The following NECAB3 variants were observed in gnomAD, a reference collection of about 807,000 sequenced individuals.
The protein encoded by NECAB3 is N-terminal EF-hand calcium-binding protein 3.
Under a neutral mutation model 57.2 loss-of-function variants are expected in NECAB3, and 38 were observed. That is an observed-to-expected ratio of 0.66 (90% CI 0.51 to 0.87). The LOEUF (loss-of-function observed/expected upper bound fraction) is 0.87. Ranked by LOEUF, NECAB3 falls within the 40% of genes least tolerant of loss-of-function variation. The pLI, the probability that NECAB3 is intolerant of heterozygous loss-of-function variation, is 0.00. For missense variants in NECAB3, 474 were observed against 527.5 expected, an observed-to-expected ratio of 0.90 and a Z score of 0.99; for synonymous variants, 223 against 222.6, an observed-to-expected ratio of 1.00 and a Z score of -0.02.
At chr20:33,668,133 CGGCTCCATGGT>C (rs2017738338) in intron 5 of NECAB3, 1 of 1,611,196 alleles carries the variant, frequency 6.2e-7, no homozygotes, top group Non-Finnish European at 8.5e-7. Flanking sequence ...TGTGGACCGG[CGGCTCCATGGT>C]GGCCTCCCTG....
Position 33,669,491 on chromosome 20 carries a change from C to T in NECAB3, c.290-19G>A. On this transcript the variant is annotated intron_variant, in intron 4 of 11. Coordinates refer to ENST00000246190, the MANE Select transcript of NECAB3 (RefSeq NM_031232.4). The stretch of plus-strand genomic sequence containing the variant: ...AAGTAGTCTGCAGGCAGAAGAGGTG[C>T]TCAAGGGTTCCTGGACCCCCACCCA... 1 of 1,613,010 alleles carries T rather than the reference C, an allele frequency of 6.2e-7. No homozygotes were observed. Among genetic ancestry groups the T allele is most frequent in the Non-Finnish European group, 8.5e-7 (1 of 1,179,634 alleles).
At position 33,659,885 on chromosome 20, in the gene NECAB3, C is replaced by A; in HGVS notation, c.643G>T (p.Gly215Trp). The change falls in exon 7 of 12, where the codon GGG (glycine) becomes TGG (tryptophan). Residue 215 changes from glycine (G) to tryptophan (W), a missense_variant and splice_region_variant. Physicochemically the swap from Gly to Trp is radical, Grantham distance 184. Transcript: ENST00000246190. ...STWSPGSSDTGRSSEAEMQWR... is the reference protein window; with the variant it reads ...STWSPGSSDTWRSSEAEMQWR... ...GCCTCCCACCCCACCCCAGGCGCACCTGTGTCAGAAGAGCCGGGGGACCAG... is the reference window on the plus strand; with the variant it reads ...GCCTCCCACCCCACCCCAGGCGCACATGTGTCAGAAGAGCCGGGGGACCAG... 6.5e-7 allele frequency: 1 copy of A among 1,544,610 alleles called. No individual in the cohort carries two copies. The highest frequency in any genetic ancestry group is 8.7e-7 in the Non-Finnish European group (1 of 1,147,412).
rs1181034188 is a variant in NECAB3, at chr20:33,657,960, T to C, written c.1144A>G (p.Thr382Ala). 1.3e-6 allele frequency: 2 copies of C among 1,557,396 alleles called. No homozygotes were observed. Among genetic ancestry groups the C allele is most frequent in the East Asian group, 2.4e-5 (1 of 41,206 alleles). ...CGCATACCTGGGAAGAACACAGTGGTGAGGGTGTCCGGGGCCCGCAGGTGG... is the reference window on the plus strand; with the variant it reads ...CGCATACCTGGGAAGAACACAGTGGCGAGGGTGTCCGGGGCCCGCAGGTGG... Reference protein sequence around the residue: ...IDHLRAPDTLTTVFFPASWWI... With the variant: ...IDHLRAPDTLATVFFPASWWI... The change falls in exon 11 of 12, where the codon ACC becomes GCC. Residue 382 changes from threonine (T) to alanine (A), a missense_variant. Physicochemically the swap from Thr to Ala is moderately conservative, Grantham distance 58. Transcript: ENST00000246190.
Position 33,662,102 on chromosome 20 carries a change from C to T in NECAB3, c.388-1707G>A, listed in dbSNP as rs141735912. 2.3e-4 allele frequency: 95 copies of T among 410,500 alleles called. No individual in the cohort carries two copies. The East Asian group carries it at 4.1e-3, about 18-fold the overall frequency. 25.4% of individuals were successfully genotyped at this position (410,500 alleles called of 1,614,324 possible). On this transcript the variant is annotated intron_variant, in intron 5 of 11. Transcript: ENST00000246190. ...TCATACCCAAACCACAGAAATCCCC[C>T]TCTATTCACCACTAAGCACCTTACA...
intron 5 of NECAB3, chr20:33,662,097 TC>T (rs548630806): frequency 5.6e-4 from 218 of 392,196 alleles, no homozygotes; most frequent in Admixed American, 2.8e-3. Flanking sequence ...ACCACAGAAA[TC>T]CCCCTCTATT....
At position 33,662,570 on chromosome 20, in the gene NECAB3, T is replaced by G. The variant is rs2017514456; in HGVS notation, c.388-2175A>C. On this transcript the variant is annotated intron_variant, in intron 5 of 11. Transcript: ENST00000246190. The stretch of plus-strand genomic sequence containing the variant: ...AGGGATGCTGGGAGTCTAGGCCTTG[T>G]ATGCAGAAGTCCTAGGGGGTGAGGG... 6 of 1,346,116 alleles carry G rather than the reference T, an allele frequency of 4.5e-6. No individual in the cohort carries two copies. In the Admixed American group the frequency reaches 6.7e-5, roughly 15 times the overall value. The allele number at this position is 1,346,116 out of a possible 1,614,324, so 83.4% of individuals were successfully genotyped here.
At chr20:33,667,391 C>A in intron 5 of NECAB3, 4 of 1,372,124 alleles carry the variant, frequency 2.9e-6, no homozygotes, top group Non-Finnish European at 3.8e-6. Context: ...CGGGTGTGCC[C>A]AGAGCAGTGG....
At position 33,658,461 on chromosome 20, in the gene NECAB3, A is replaced by C; in HGVS notation, c.1070+16T>G. ...GCCACATTCCATGGTGTTAGCGGCC[A>C]GACTGGCACTCATACCTTCTCCAGG... On this transcript the variant is annotated intron_variant, in intron 10 of 11. Transcript: ENST00000246190. The C allele has an allele frequency of 6.2e-7, 1 of 1,613,020 alleles. No homozygotes were observed. The highest frequency in any genetic ancestry group is 8.5e-7 in the Non-Finnish European group (1 of 1,179,092).
intron 5 of NECAB3, chr20:33,662,588 G>T: frequency 8.3e-7 from 1 of 1,207,138 alleles, no homozygotes; most frequent in Non-Finnish European, 1.1e-6. Context: ...AGTCCTAGGG[G>T]GTGAGGGAGG....
At position 33,658,801 on chromosome 20, in the gene NECAB3, C is replaced by A; in HGVS notation, c.913G>T (p.Ala305Ser). 6.2e-7 allele frequency: 1 copy of A among 1,613,262 alleles called. No homozygotes were observed. Among genetic ancestry groups the A allele is most frequent in the South Asian group, 1.1e-5 (1 of 91,068 alleles). The change falls in exon 9 of 12, where the codon GCA becomes TCA. Residue 305 changes from alanine (A) to serine (S), a missense_variant. Coordinates refer to ENST00000246190, the MANE Select transcript of NECAB3 (RefSeq NM_031232.4). Reference protein sequence around the residue: ...ILMAQRQVQVAEEGLQDFHRA... With the variant: ...ILMAQRQVQVSEEGLQDFHRA... ...TGGAAGTCCTGCAGGCCTTCCTCTG[C>A]CACCTGGACCTGCCTCTGGGCCATG... is the stretch of plus-strand genomic sequence containing the variant.
At chr20:33,669,755 A>G in intron 3 of NECAB3, 43 bp from the exon 4 acceptor site, 1 of 1,548,104 alleles carries the variant, frequency 6.5e-7, no homozygotes, top group South Asian at 1.2e-5. Context: ...TGGGCCTGGT[A>G]AACTGGGACT....
chr20:33,669,166 T>G, intron 5 of NECAB3: 1 of 573,008 alleles, frequency 1.7e-6, no homozygotes. Flanking sequence ...GTCACAGTGA[T>G]GTATGAAGGG....
intron 5 of NECAB3, chr20:33,667,453 G>C: frequency 7.0e-7 from 1 of 1,426,316 alleles, no homozygotes. Context: ...CCGCGAAAGG[G>C]TGGCGGAGCT....
At chr20:33,658,930 GT>G in intron 8 of NECAB3, 96 bp from the exon 9 acceptor site, 1 of 868,240 alleles carries the variant, frequency 1.2e-6, no homozygotes, top group Non-Finnish European at 1.8e-6. Context: ...TTTTCTGTTT[GT>G]TTGTTTTTTA....
chr20:33,657,832 G>GTTGTTA lies in NECAB3; in HGVS notation c.1182_1187dup (p.Asn395_Asn396dup). 6.5e-7 allele frequency: 1 copy of GTTGTTA among 1,539,524 alleles called. No individual in the cohort carries two copies. The highest frequency in any genetic ancestry group is 8.8e-7 in the Non-Finnish European group (1 of 1,140,340). ...CCTCGGCGTGTGCAGGTCTGGCTCA[G>GTTGTTA]TTGTTATTCATTATCCACCAGGAGG... On this transcript the variant is annotated inframe_insertion, in exon 12 of 12. Transcript: ENST00000246190.
chr20:33,673,739 G>A (rs1157122899), intron 1 of NECAB3, among the ~76,000 whole-genome samples: 1 of 152,116 alleles, frequency 6.6e-6, no homozygotes, highest in Admixed American at 6.5e-5. Flanking sequence ...CGTGGCTGGT[G>A]CCCATGGTGG....
At chr20:33,665,727 G>A (rs2017626605) in intron 5 of NECAB3, 1 of 152,232 alleles carries the variant, frequency 6.6e-6, no homozygotes, top group Non-Finnish European at 1.5e-5. Context: ...ACCTTTTGGA[G>A]GAGAAAACCG....
Position 33,667,608 on chromosome 20 carries a change from G to T in NECAB3, c.387+1767C>A, listed in dbSNP as rs1379481009. On this transcript the variant is annotated intron_variant, in intron 5 of 11. Transcript: ENST00000246190. Reference sequence around the variant, plus strand: ...CCACGCCCATCTACGCGGGTCACTCGTGGCACCAGGCCACCTTCCGACTGA... The same window carrying T: ...CCACGCCCATCTACGCGGGTCACTCTTGGCACCAGGCCACCTTCCGACTGA... 3.1e-6 allele frequency: 5 copies of T among 1,589,242 alleles called. No individual in the cohort carries two copies. In the Admixed American group the frequency reaches 8.8e-5, roughly 28 times the overall value.
At chr20:33,671,722 C>A (rs1401501545) in intron 2 of NECAB3, among the ~76,000 whole-genome samples, 1 of 152,190 alleles carries the variant, frequency 6.6e-6, no homozygotes, top group Non-Finnish European at 1.5e-5. Flanking sequence ...GCTTTAGCTT[C>A]CAAGTTTCTC....
Sources: gnomAD v4.1 joint callset for allele counts (sites outside exome capture counted in the v4.1 genomes callset) on GRCh38, gnomAD v4.1.1 for gene constraint, MANE v1.5 for transcripts, NCBI Gene and HGNC (gene_info 2026-07-23, HGNC 2026-07-21) for gene names.